Variants in PRUNE2 observed in about 807,000 individuals in gnomAD.
PRUNE2 encodes the protein prune homolog 2 with BCH domain.
PRUNE2 carries 164 observed loss-of-function variants against 252.0 expected under a neutral mutation model. That is an observed-to-expected ratio of 0.65 (90% CI 0.57 to 0.74). PRUNE2 has a LOEUF of 0.74. PRUNE2 is among the 30% of genes least tolerant of loss of function. The pLI, the probability that PRUNE2 is intolerant of heterozygous loss-of-function variation, is 0.00. For synonymous variants in PRUNE2, 1,292 were observed against 1,350.2 expected (o/e 0.96, Z 0.94); for missense variants, 3,495 against 3,711.0 (o/e 0.94, Z 1.51).
At chr9:76,675,944 T>C (rs1353101429) in intron 9 of PRUNE2, among the ~76,000 whole-genome samples, 2 of 142,330 alleles carry the variant, frequency 1.4e-5, no homozygotes, top group African/African-American at 2.6e-5. Flanking sequence ...AGGGATATCA[T>C]CGGGAGATAT....
At chr9:76,880,814 A>C (rs1412417085) in intron 1 of PRUNE2, among the ~76,000 whole-genome samples, 4 of 152,212 alleles carry the variant, frequency 2.6e-5, no homozygotes, top group Non-Finnish European at 5.9e-5. Context: ...TTTTAAATAA[A>C]ATGTTATTTT....
At chr9:76,746,273 A>C (rs1475741676) in intron 6 of PRUNE2, among the ~76,000 whole-genome samples, 2 of 152,192 alleles carry the variant, frequency 1.3e-5, no homozygotes, top group Non-Finnish European at 2.9e-5. Flanking sequence ...CACTGGAAAG[A>C]TCAGGGCATT....
rs571362331 is a variant in PRUNE2, at chr9:76,866,013, C to T, written c.37-11805G>A. ...TTGACTTCTGAGTTGCTACCACATT[C>T]TAATTCATCTATTATTCTGAAGATA... On this transcript the variant is annotated intron_variant, in intron 1 of 18. Transcript: ENST00000376718. Among the ~76,000 whole-genome samples the T allele has an allele frequency of 7.9e-5, 12 of 152,308 alleles. No individual in the cohort carries two copies. In the East Asian group the frequency reaches 2.3e-3, roughly 29 times the overall value.
intron 6 of PRUNE2, among the ~76,000 whole-genome samples, chr9:76,755,672 G>A (rs993848952): frequency 1.8e-4 from 27 of 152,112 alleles, no homozygotes; most frequent in African/African-American, 4.6e-4. Flanking sequence ...AAGCTTCCAG[G>A]TAACGCTCAA....
At chr9:76,687,986 C>T (rs145190531) in intron 9 of PRUNE2, among the ~76,000 whole-genome samples, 89 of 152,324 alleles carry the variant, frequency 5.8e-4, no homozygotes, top group African/African-American at 1.9e-3. Flanking sequence ...TATCTGAACT[C>T]TCCTGTTCTT....
intron 1 of PRUNE2, among the ~76,000 whole-genome samples, chr9:76,884,936 G>A (rs1420188515): frequency 6.6e-6 from 1 of 152,112 alleles, no homozygotes; most frequent in Non-Finnish European, 1.5e-5. Context: ...TCTGCTTCTG[G>A]AACATGGCAC....
chr9:76,664,568 T>A (rs1000003097), intron 9 of PRUNE2, among the ~76,000 whole-genome samples: 1 of 152,236 alleles, frequency 6.6e-6, no homozygotes. Context: ...TTGCCCAGGC[T>A]GGAGCGCAAT....
intron 6 of PRUNE2, among the ~76,000 whole-genome samples, chr9:76,723,185 AT>A (rs2047795075): frequency 6.6e-6 from 1 of 152,246 alleles, no homozygotes; most frequent in African/African-American, 2.4e-5. Context: ...ATAAAGAAGA[AT>A]GTTGTGATAT....
At chr9:76,857,378 A>G (rs2060315342) in intron 1 of PRUNE2, among the ~76,000 whole-genome samples, 1 of 152,078 alleles carries the variant, frequency 6.6e-6, no homozygotes, top group Non-Finnish European at 1.5e-5. Context: ...TCCAGAAATC[A>G]TGCCATAATC....
intron 9 of PRUNE2, among the ~76,000 whole-genome samples, chr9:76,659,467 T>G (rs1850462489): frequency 6.6e-6 from 1 of 152,246 alleles, no homozygotes; most frequent in Non-Finnish European, 1.5e-5. Flanking sequence ...TTTAGGGTTT[T>G]TGTCATAGCC....
intron 1 of PRUNE2, chr9:76,863,230 A>G (rs1272802791): frequency 6.6e-6 from 1 of 152,212 alleles, no homozygotes; most frequent in Non-Finnish European, 1.5e-5. Flanking sequence ...AATATATTTT[A>G]ATGTTCACCA....
rs541186651 is a variant in PRUNE2, at chr9:76,792,281, C to T, written c.756+31351G>A. On this transcript the variant is annotated intron_variant, in intron 6 of 18. Transcript: ENST00000376718. Reference sequence around the variant, plus strand: ...CTGCACATGCCCTCTTGCCTGTCACCATGTAAGATGTGACTATGCTCCTCC... The same window carrying T: ...CTGCACATGCCCTCTTGCCTGTCACTATGTAAGATGTGACTATGCTCCTCC... Among the ~76,000 whole-genome samples the T allele has an allele frequency of 4.6e-5, 7 of 152,246 alleles. No individual in the cohort carries two copies. In the South Asian group the frequency reaches 1.5e-3, roughly 32 times the overall value.
intron 4 of PRUNE2, among the ~76,000 whole-genome samples, chr9:76,837,685 A>G (rs2059107048): frequency 6.6e-6 from 1 of 151,700 alleles, no homozygotes; most frequent in Admixed American, 6.6e-5. Context: ...ATATGTGTTT[A>G]TTTCAGTAAA....
At chr9:76,901,044 C>T (rs577964483) in intron 1 of PRUNE2, among the ~76,000 whole-genome samples, 3 of 152,308 alleles carry the variant, frequency 2.0e-5, no homozygotes, top group African/African-American at 7.2e-5. Flanking sequence ...CCATGTCCTC[C>T]AAGACCCAAG....
intron 6 of PRUNE2, among the ~76,000 whole-genome samples, chr9:76,809,494 G>A (rs538254447): frequency 2.6e-5 from 4 of 152,240 alleles, no homozygotes; most frequent in South Asian, 4.1e-4. Flanking sequence ...TCAAGAAATC[G>A]AGACCATCCT....
intron 18 of PRUNE2, among the ~76,000 whole-genome samples, chr9:76,618,615 T>C (rs1352561314): frequency 2.0e-5 from 3 of 152,194 alleles, no homozygotes; most frequent in African/African-American, 7.2e-5. Flanking sequence ...CCATCTAGCA[T>C]TAAGACCACC....
chr9:76,781,803 T>C (rs2054429681), intron 6 of PRUNE2, among the ~76,000 whole-genome samples: 2 of 152,238 alleles, frequency 1.3e-5, no homozygotes, highest in Non-Finnish European at 2.9e-5. Flanking sequence ...AATGTCTTGG[T>C]ATTTCACCTT....
At chr9:76,840,101 C>T (rs1364551886) in intron 4 of PRUNE2, among the ~76,000 whole-genome samples, 1 of 152,146 alleles carries the variant, frequency 6.6e-6, no homozygotes, top group African/African-American at 2.4e-5. Context: ...AGGCAGTCAT[C>T]AGCCTGTGTA....
chr9:76,788,462 C>G (rs1449539382), intron 6 of PRUNE2: 1 of 740,970 alleles, frequency 1.3e-6, no homozygotes, highest in South Asian at 1.4e-5. Flanking sequence ...CATTTGGAGC[C>G]AGAGTTCCTG....
Sources: allele counts gnomAD v4.1 joint callset (sites outside exome capture counted in the v4.1 genomes callset), GRCh38; gene constraint gnomAD v4.1.1; transcripts MANE v1.5; gene names NCBI Gene and HGNC (gene_info 2026-07-23, HGNC 2026-07-21).